Variants in CTBP2 observed in about 807,000 individuals in gnomAD.
CTBP2 encodes the protein C-terminal-binding protein 2.
In CTBP2, 30 loss-of-function variants were observed where a neutral mutation model predicts 80.3. That is an observed-to-expected ratio of 0.37 (90% CI 0.28 to 0.51). The LOEUF is 0.51. Among genes scored for constraint, CTBP2 ranks in the 20% least tolerant of loss-of-function variants. CTBP2 has a pLI of 0.93. For missense variants in CTBP2, 1,212 were observed against 1,375.3 expected (o/e 0.88, Z 1.88); for synonymous variants, 594 against 587.4 (o/e 1.01, Z -0.16).
chr10:124,992,210 T>C (rs78082290), intron 8 of CTBP2, among the ~76,000 whole-genome samples: 7 of 9,492 alleles, frequency 7.4e-4, no homozygotes, highest in East Asian at 3.2e-3. Flanking sequence ...TGAGAAGCCC[T>C]TTTTTTTTTT....
At chr10:125,034,683 C>A (rs2134880849) in intron 3 of CTBP2, among the ~76,000 whole-genome samples, 1 of 152,172 alleles carries the variant, frequency 6.6e-6, no homozygotes, top group African/African-American at 2.4e-5. Context: ...GCTCAAAGTG[C>A]TTTAAAAAAA....
intron 1 of CTBP2, among the ~76,000 whole-genome samples, chr10:125,156,649 G>C (rs565685690): frequency 1.3e-5 from 2 of 152,226 alleles, no homozygotes; most frequent in East Asian, 3.9e-4. Context: ...TTAAAATCCA[G>C]TGCACTGCTT....
chr10:125,137,688 T>C (rs1025876169), intron 1 of CTBP2, among the ~76,000 whole-genome samples: 1 of 152,224 alleles, frequency 6.6e-6, no homozygotes, highest in Non-Finnish European at 1.5e-5. Flanking sequence ...AAAGGCTTCA[T>C]AAATCTCACA....
chr10:125,038,507 A>G (rs955069118), intron 3 of CTBP2, among the ~76,000 whole-genome samples: 1 of 152,014 alleles, frequency 6.6e-6, no homozygotes, highest in Non-Finnish European at 1.5e-5. Context: ...AATTATGTTT[A>G]TTTTTCCTTT....
intron 3 of CTBP2, 84 bp downstream of exon 3, chr10:125,038,913 C>T: frequency 1.5e-6 from 2 of 1,377,374 alleles, no homozygotes; most frequent in East Asian, 2.3e-5. Flanking sequence ...TGGGGAGTGG[C>T]ACAGCCAACT....
chr10:125,138,365 C>T (rs918169568), intron 1 of CTBP2: 5 of 152,308 alleles, frequency 3.3e-5, no homozygotes, highest in African/African-American at 7.2e-5. Flanking sequence ...GTCCCCACCA[C>T]GCTGACACTT....
intron 1 of CTBP2, among the ~76,000 whole-genome samples, chr10:125,139,890 C>A (rs1214553270): frequency 6.6e-6 from 1 of 152,184 alleles, no homozygotes; most frequent in Non-Finnish European, 1.5e-5. Context: ...GTCCCCAGAT[C>A]ACCTTTCCAG....
At chr10:125,144,000 A>G (rs1858298599) in intron 1 of CTBP2, among the ~76,000 whole-genome samples, 1 of 152,140 alleles carries the variant, frequency 6.6e-6, no homozygotes, top group Admixed American at 6.6e-5. Flanking sequence ...TGCAACTCAA[A>G]AAGCACCCAG....
Position 124,994,569 on chromosome 10 carries a change from T to C in CTBP2, c.2300A>G (p.Tyr767Cys). ...CTGATACAGCAAATCCTGCAGGGTG[T>C]AGACCCTCTGCACGCCCAGGGACCG... Residue 767 changes from tyrosine to cysteine, a missense_variant, in exon 5 of 9, where the codon TAC becomes TGC. Coordinates refer to ENST00000309035, the MANE Select transcript of CTBP2 (RefSeq NM_022802.3). 6.2e-7 allele frequency: 1 copy of C among 1,614,000 alleles called. No individual in the cohort carries two copies. Among genetic ancestry groups the C allele is most frequent in the Non-Finnish European group, 8.5e-7 (1 of 1,179,882 alleles).
At chr10:125,018,107 C>T (rs11595908) in intron 1 of CTBP2, among the ~76,000 whole-genome samples, 13,328 of 152,300 alleles carry the variant, frequency 0.088, 734 homozygotes, top group Admixed American at 0.17. Flanking sequence ...GCCTGAGGAT[C>T]ATCATGGCAT....
intron 1 of CTBP2, among the ~76,000 whole-genome samples, chr10:125,135,264 G>A (rs1218312503): frequency 7.9e-5 from 12 of 151,964 alleles, no homozygotes; most frequent in Non-Finnish European, 5.9e-5. Context: ...TGCAGCACCC[G>A]CTCCACCACC....
Position 125,061,278 on chromosome 10 carries a change from G to C in CTBP2, c.-101-22123C>G, listed in dbSNP as rs527790664. On this transcript the variant is annotated intron_variant, in intron 2 of 10. Transcript: ENST00000337195. ...ATACTTCCCGATAGGACTTCCAGTG[G>C]AACGGCCCCCTCTGGTGGCGCTGTT... Among the ~76,000 whole-genome samples the C allele has an allele frequency of 1.1e-4, 17 of 152,336 alleles. No individual in the cohort carries two copies. In the East Asian group the frequency reaches 3.1e-3, roughly 28 times the overall value.
intron 1 of CTBP2, among the ~76,000 whole-genome samples, chr10:125,157,757 C>T (rs1861186233): frequency 6.6e-6 from 1 of 152,180 alleles, no homozygotes. Flanking sequence ...AAACTGGTTT[C>T]ATTAAAGGCA....
At chr10:125,030,897 C>T (rs1229736097), upstream of CTBP2, among the ~76,000 whole-genome samples, 1 of 152,102 alleles carries the variant, frequency 6.6e-6, no homozygotes, top group Non-Finnish European at 1.5e-5. Flanking sequence ...ATCCTGCCTC[C>T]ACCAACACAA....
chr10:125,022,223 G>A (rs150117154), intron 1 of CTBP2, among the ~76,000 whole-genome samples: 143 of 152,310 alleles, frequency 9.4e-4, no homozygotes, highest in Middle Eastern at 3.4e-3. Context: ...CTGTAGGGAC[G>A]CTCTTCCAAG....
At chr10:125,113,151 C>T (rs1261307851) in intron 1 of CTBP2, among the ~76,000 whole-genome samples, 4 of 152,220 alleles carry the variant, frequency 2.6e-5, no homozygotes, top group Admixed American at 6.5e-5. Flanking sequence ...GGGAGACAGA[C>T]ATTCCAGCCT....
At chr10:125,160,255 G>C in intron 1 of CTBP2, 64 bp downstream of exon 1, 1 of 151,736 alleles carries the variant, frequency 6.6e-6, no homozygotes, top group East Asian at 2.0e-4. Context: ...GGCGCCCCCA[G>C]CCCGCGGCCG....
chr10:125,056,278 G>C (rs560491253), intron 2 of CTBP2, among the ~76,000 whole-genome samples: 2 of 152,162 alleles, frequency 1.3e-5, no homozygotes, highest in East Asian at 1.9e-4. Flanking sequence ...TATTCTAAGC[G>C]GCTGTGAGTA....
At chr10:125,035,728 T>C (rs1958788657) in intron 3 of CTBP2, among the ~76,000 whole-genome samples, 1 of 152,180 alleles carries the variant, frequency 6.6e-6, no homozygotes, top group South Asian at 2.1e-4. Flanking sequence ...CAATAGATGT[T>C]TGGGGCAAAC....
Sources: allele counts gnomAD v4.1 joint callset (sites outside exome capture counted in the v4.1 genomes callset), GRCh38; gene constraint gnomAD v4.1.1; transcripts MANE v1.5; gene names NCBI Gene and HGNC (gene_info 2026-07-23, HGNC 2026-07-21).